PTPRD: variants seen among roughly 807,000 people sequenced by gnomAD.
PTPRD encodes protein tyrosine phosphatase receptor type D.
In PTPRD, 34 loss-of-function variants were observed where a neutral mutation model predicts 214.5. That is an observed-to-expected ratio of 0.16 (90% CI 0.12 to 0.21). The LOEUF is 0.21. Among genes scored for constraint, PTPRD ranks in the 10% least tolerant of loss-of-function variants. PTPRD has a pLI of 1.00. For missense variants in PTPRD, 2,545 were observed against 2,398.7 expected, an observed-to-expected ratio of 1.06 and a Z score of -1.27; for synonymous variants, 1,128 against 845.7, an observed-to-expected ratio of 1.33 and a Z score of -5.79.
intron 12 of PTPRD, among the ~76,000 whole-genome samples, chr9:8,723,696 GACAA>G (rs1454439593): frequency 1.3e-5 from 2 of 152,260 alleles, no homozygotes; most frequent in Non-Finnish European, 2.9e-5. Flanking sequence ...GACTTTTAGT[GACAA>G]ACAATGGCAT....
chr9:9,265,715 A>G (rs1275989352), intron 9 of PTPRD, among the ~76,000 whole-genome samples: 1 of 151,516 alleles, frequency 6.6e-6, no homozygotes, highest in Non-Finnish European at 1.5e-5. Context: ...TCTATAGTAT[A>G]TACACAAAAG....
At chr9:8,421,823 T>G (rs556611105) in intron 35 of PTPRD, among the ~76,000 whole-genome samples, 2 of 151,228 alleles carry the variant, frequency 1.3e-5, no homozygotes, top group African/African-American at 4.8e-5. Flanking sequence ...TATTTAAATA[T>G]AAAGTACATT....
intron 2 of PTPRD, among the ~76,000 whole-genome samples, chr9:10,363,991 G>GTTTTTTTGTTGCTTTTTT (rs1485501417): frequency 2.6e-4 from 9 of 35,132 alleles, no homozygotes; most frequent in Non-Finnish European, 4.4e-4. Context: ...ACATTTTCGG[G>GTTTTTTTGTTGCTTTTTT]TTTTTTTTTT....
intron 14 of PTPRD, among the ~76,000 whole-genome samples, chr9:8,624,920 T>G (rs751920114): frequency 2.6e-5 from 4 of 151,822 alleles, no homozygotes; most frequent in Non-Finnish European, 4.4e-5. Flanking sequence ...GTTCATTATA[T>G]GTAAAGTAAG....
chr9:8,964,190 GTGTTTTTTTTTTTT>G (rs1279527462), intron 11 of PTPRD, among the ~76,000 whole-genome samples: 1 of 52,950 alleles, frequency 1.9e-5, no homozygotes, highest in African/African-American at 7.1e-5. Flanking sequence ...GTTCAGGGCT[GTGTTTTTTTTTTTT>G]TTTTTTTTTT....
intron 3 of PTPRD, among the ~76,000 whole-genome samples, chr9:10,271,517 G>A (rs1267631412): frequency 6.8e-6 from 1 of 148,146 alleles, no homozygotes; most frequent in African/African-American, 2.5e-5. Flanking sequence ...AACCAATACT[G>A]ATAAATTCAA....
intron 9 of PTPRD, among the ~76,000 whole-genome samples, chr9:9,328,561 G>C (rs960755724): frequency 6.8e-6 from 1 of 146,416 alleles, no homozygotes; most frequent in Admixed American, 6.8e-5. Context: ...CAGAAATTAT[G>C]AGCAAAACAT....
intron 9 of PTPRD, among the ~76,000 whole-genome samples, chr9:9,308,106 T>A (rs1957708622): frequency 2.0e-5 from 3 of 152,206 alleles, no homozygotes; most frequent in African/African-American, 7.2e-5. Flanking sequence ...AATGTATAAC[T>A]GTGGCATTTT....
At chr9:9,567,475 A>C (rs1343944957) in intron 8 of PTPRD, among the ~76,000 whole-genome samples, 2 of 152,034 alleles carry the variant, frequency 1.3e-5, no homozygotes, top group Non-Finnish European at 2.9e-5. Context: ...GTGGATGTAA[A>C]CAATAACAAT....
chr9:9,374,593 G>C (rs942881370), intron 9 of PTPRD, among the ~76,000 whole-genome samples: 1 of 152,144 alleles, frequency 6.6e-6, no homozygotes, highest in African/African-American at 2.4e-5. Context: ...ACTGAATTAA[G>C]TCTTAGAAGG....
At position 8,342,042 on chromosome 9, in the gene PTPRD, G is replaced by T. The variant is rs769033812; in HGVS notation, c.4662-64C>A. On this transcript the variant is annotated intron_variant, in intron 39 of 45. Transcript: ENST00000381196. ...ATCAGAAAATCAATACATAATAAAAGTATTTTTATTATTCTTATTAACTAG... is the reference window on the plus strand; with the variant it reads ...ATCAGAAAATCAATACATAATAAAATTATTTTTATTATTCTTATTAACTAG... 4.9e-6 allele frequency: 7 copies of T among 1,414,236 alleles called. No individual in the cohort carries two copies. In the East Asian group the frequency reaches 1.2e-4, roughly 25 times the overall value. 87.6% of individuals were successfully genotyped at this position (1,414,236 alleles called of 1,614,324 possible).
At chr9:9,907,757 A>G (rs1329725196) in intron 5 of PTPRD, among the ~76,000 whole-genome samples, 1 of 151,960 alleles carries the variant, frequency 6.6e-6, no homozygotes, top group Non-Finnish European at 1.5e-5. Flanking sequence ...TACACAATTA[A>G]TCATACAATT....
At chr9:8,656,875 A>T (rs980869876) in intron 12 of PTPRD, among the ~76,000 whole-genome samples, 2 of 152,362 alleles carry the variant, frequency 1.3e-5, no homozygotes, top group African/African-American at 4.8e-5. Context: ...AAAGAGTGTT[A>T]CAACCTGTCA....
intron 2 of PTPRD, among the ~76,000 whole-genome samples, chr9:10,576,815 T>C (rs2069531954): frequency 6.6e-6 from 1 of 152,146 alleles, no homozygotes; most frequent in South Asian, 2.1e-4. Flanking sequence ...TAAACATTTG[T>C]GAACAAAAAA....
intron 12 of PTPRD, among the ~76,000 whole-genome samples, chr9:8,646,145 A>C (rs2096684718): frequency 6.6e-6 from 1 of 152,140 alleles, no homozygotes; most frequent in Non-Finnish European, 1.5e-5. Context: ...GGACTGGGTA[A>C]TTAATTTACA....
intron 9 of PTPRD, among the ~76,000 whole-genome samples, chr9:9,217,139 T>TGGCAGTTTAA (rs1569563485): frequency 1.4e-4 from 22 of 151,998 alleles, no homozygotes; most frequent in Admixed American, 2.6e-4. Context: ...TGGGAGGCTG[T>TGGCAGTTTAA]AGGGCTGGCA....
chr9:10,409,039 G>T (rs1170833406), intron 2 of PTPRD, among the ~76,000 whole-genome samples: 2 of 151,618 alleles, frequency 1.3e-5, no homozygotes, highest in East Asian at 2.0e-4. Context: ...TCCAAATCTG[G>T]CCTACAGCCT....
At chr9:8,589,910 A>C (rs2093967092) in intron 14 of PTPRD, among the ~76,000 whole-genome samples, 1 of 152,168 alleles carries the variant, frequency 6.6e-6, no homozygotes, top group Admixed American at 6.5e-5. Context: ...GAAAATGTAA[A>C]TTAGGAAATT....
chr9:8,999,935 C>G (rs192907346), intron 11 of PTPRD, among the ~76,000 whole-genome samples: 1 of 151,914 alleles, frequency 6.6e-6, no homozygotes, highest in Admixed American at 6.6e-5. Flanking sequence ...AAACTAGGGT[C>G]AAAGTATCTG....
Sources: gnomAD v4.1 joint callset for allele counts (sites outside exome capture counted in the v4.1 genomes callset) on GRCh38, gnomAD v4.1.1 for gene constraint, MANE v1.5 for transcripts, NCBI Gene and HGNC (gene_info 2026-07-23, HGNC 2026-07-21) for gene names.